Variants in SEZ6 observed in about 807,000 individuals in gnomAD.
SEZ6 encodes seizure related 6 homolog.
In SEZ6, 53 loss-of-function variants were observed where a neutral mutation model predicts 101.0. The observed-to-expected ratio is 0.52, with a 90% CI of 0.42 to 0.66. SEZ6 has a LOEUF of 0.66. Among genes scored for constraint, SEZ6 ranks in the 30% least tolerant of loss-of-function variants. The pLI is 0.00. For missense variants in SEZ6, 1,102 were observed against 1,289.4 expected (o/e 0.85, Z 2.23); for synonymous variants, 488 against 512.2 (o/e 0.95, Z 0.64).
rs1309637768 is a variant in SEZ6, at chr17:29,005,903, C to G, written c.-34G>C. The G allele has an allele frequency of 1.4e-6, 2 of 1,406,876 alleles. No individual in the cohort carries two copies. The highest frequency in any genetic ancestry group is 1.4e-5 in the South Asian group (1 of 71,916). 87.1% of individuals were successfully genotyped at this position (1,406,876 alleles called of 1,614,324 possible). On this transcript the variant is annotated 5_prime_UTR_variant, in exon 1 of 17. Transcript: ENST00000317338. This position sits in a 1 kb window ranked among gnomAD's most constrained non-coding sequence, Gnocchi z 4.8. ...TTGCGGCCGCGCCCTGGGCTGGGACCGCGGCGGGAGGGCGGGGGGCTTGGT... is the reference window on the plus strand; with the variant it reads ...TTGCGGCCGCGCCCTGGGCTGGGACGGCGGCGGGAGGGCGGGGGGCTTGGT...
intron 1 of SEZ6, among the ~76,000 whole-genome samples, chr17:29,000,469 C>T (rs1464887218): frequency 6.6e-6 from 1 of 152,152 alleles, no homozygotes; most frequent in Non-Finnish European, 1.5e-5. Context: ...GGATTCTGGG[C>T]CAGGCCTCAC....
rs536714977 is a variant in SEZ6, at chr17:28,967,965, G to A, written c.1054+1792C>T. 2.6e-4 allele frequency among the ~76,000 whole-genome samples: 39 copies of A among 152,276 alleles called. No individual in the cohort carries two copies. In the South Asian group the frequency reaches 8.1e-3, roughly 32 times the overall value. The stretch of plus-strand genomic sequence containing the variant: ...CAAGTCCAGTGCCAGGAATGCTGAG[G>A]ATGCAGGAGGGGGATGTCTGTCAGG... On this transcript the variant is annotated intron_variant, in intron 4 of 16. Transcript: ENST00000317338.
In SEZ6 at chr17:28,958,090, C is replaced by T. The variant is rs1470772385; in HGVS notation, c.2159G>A (p.Trp720Ter). The T allele has an allele frequency of 6.2e-7, 1 of 1,608,924 alleles. No homozygotes were observed. Among genetic ancestry groups the T allele is most frequent in the Non-Finnish European group, 8.5e-7 (1 of 1,175,862 alleles). Residue 720 changes from tryptophan (W) to a stop codon, truncating the protein, a stop_gained, in exon 11 of 17, where the codon TGG becomes TAG. Transcript: ENST00000317338. LOFTEE classifies it high-confidence loss of function. Reference protein sequence around the residue: ...CPELPEIPNGWKSPSQPELVH... With the variant: ...CPELPEIPNG Reference sequence around the variant, plus strand: ...TAGCTCAGGCTGCGATGGGCTCTTCCAGCCATTGGGGATCTCAGGCAGCTC... The same window carrying T: ...TAGCTCAGGCTGCGATGGGCTCTTCTAGCCATTGGGGATCTCAGGCAGCTC...
chr17:28,979,879 C>CAG, intron 2 of SEZ6, 66 bp from the exon 3 acceptor site: 4 of 1,216,738 alleles, frequency 3.3e-6, no homozygotes, highest in Non-Finnish European at 3.3e-6. Flanking sequence ...TAAGGCTGAA[C>CAG]CGTGTGTGTG....
intron 5 of SEZ6, 75 bp downstream of exon 5, chr17:28,963,887 G>A (rs2041022545): frequency 7.2e-6 from 11 of 1,519,710 alleles, no homozygotes; most frequent in Non-Finnish European, 8.0e-6. Context: ...AAGTGGCAGA[G>A]AGCAACAGAG....
chr17:28,984,597 G>A (rs1436578318), intron 1 of SEZ6, among the ~76,000 whole-genome samples: 1 of 152,258 alleles, frequency 6.6e-6, no homozygotes, highest in African/African-American at 2.4e-5. Flanking sequence ...CGATTGCACT[G>A]ATTGTGCTAT....
chr17:28,956,046 C>G, intron 16 of SEZ6, 52 bp from the exon 17 acceptor site: 1 of 1,607,652 alleles, frequency 6.2e-7, no homozygotes, highest in South Asian at 1.1e-5. Context: ...AATTCACCTT[C>G]CCTAGGAAAA....
chr17:28,981,716 C>G lies in SEZ6; in HGVS notation c.379G>C (p.Ala127Pro). 6.3e-7 allele frequency: 1 copy of G among 1,596,676 alleles called. No individual in the cohort carries two copies. The highest frequency in any genetic ancestry group is 8.6e-7 in the Non-Finnish European group (1 of 1,167,954). The change falls in exon 2 of 17, where the codon GCT (alanine) becomes CCT (proline). Residue 127 changes from alanine to proline, a missense_variant. By Grantham distance (27) the Ala-to-Pro change is conservative. This residue lies in a region of SEZ6 where 406 missense variants were observed against 418.6 expected (regional missense o/e 0.97). Coordinates refer to ENST00000317338, the MANE Select transcript of SEZ6 (RefSeq NM_178860.5). ...PVFTSPTPAMAAVPTQPQSKE... is the reference protein window; with the variant it reads ...PVFTSPTPAMPAVPTQPQSKE... ...GACTGGGGCTGAGTGGGTACCGCAG[C>G]CATGGCTGGAGTGGGGCTGGTAAAG...
chr17:28,958,260 G>C, intron 10 of SEZ6, 119 bp from the exon 11 acceptor site: 1 of 1,198,476 alleles, frequency 8.3e-7, no homozygotes, highest in Non-Finnish European at 1.1e-6. Flanking sequence ...GTCCTGGGCG[G>C]GCTCAGGGAT....
Position 28,998,738 on chromosome 17 carries a change from G to A in SEZ6, c.55+7077C>T, listed in dbSNP as rs184926613. On this transcript the variant is annotated intron_variant, in intron 1 of 16. Transcript: ENST00000317338. ...GGGCACACCTGACCTGCCAGAGATA[G>A]GAAGGGTTGTGATGAAGGGCACCCA... is the stretch of plus-strand genomic sequence containing the variant. Among the ~76,000 whole-genome samples, 7 of 152,230 alleles carry A rather than the reference G, an allele frequency of 4.6e-5. No individual in the cohort carries two copies. In the East Asian group the frequency reaches 1.2e-3, roughly 25 times the overall value.
chr17:28,958,050 C>T lies in SEZ6; in HGVS notation c.2199G>A (p.Val733=), dbSNP rs1178385888. ...PSQPELVHGT[V]VTYQCYPGYQ... ...AGCCAGGGTAGCACTGGTAAGTGAC[C>T]ACGGTGCCGTGCACTAGCTCAGGCT... The change falls in exon 11 of 17, where the codon GTG becomes GTA. Residue 733 remains valine (V), a synonymous_variant. Coordinates refer to ENST00000317338, the MANE Select transcript of SEZ6 (RefSeq NM_178860.5). 1.9e-6 allele frequency: 3 copies of T among 1,613,816 alleles called. No homozygotes were observed. The highest frequency in any genetic ancestry group is 1.1e-5 in the South Asian group (1 of 91,080).
At position 28,958,107 on chromosome 17, in the gene SEZ6, A is replaced by G. The variant is rs1320469036; in HGVS notation, c.2142T>C (p.Pro714=). 6.2e-7 allele frequency: 1 copy of G among 1,605,730 alleles called. No homozygotes were observed. Among genetic ancestry groups the G allele is most frequent in the Non-Finnish European group, 8.5e-7 (1 of 1,173,088 alleles). ...GGCTCTTCCAGCCATTGGGGATCTCAGGCAGCTCCGGACATGTGTCATTGC... is the reference window on the plus strand; with the variant it reads ...GGCTCTTCCAGCCATTGGGGATCTCGGGCAGCTCCGGACATGTGTCATTGC... ...VPRNDTCPEL[P]EIPNGWKSPS... Residue 714 remains proline (P), a synonymous_variant, in exon 11 of 17, where the codon CCT becomes CCC. Transcript: ENST00000317338.
intron 4 of SEZ6, among the ~76,000 whole-genome samples, chr17:28,965,144 G>GA (rs1329145470): frequency 6.6e-6 from 1 of 152,036 alleles, no homozygotes; most frequent in African/African-American, 2.4e-5. Context: ...CTGAGGTCAG[G>GA]AGGTCGAGAC....
Position 28,971,643 on chromosome 17 carries a change from C to G in SEZ6, c.859-1691G>C, listed in dbSNP as rs555286225. Among the ~76,000 whole-genome samples the G allele has an allele frequency of 6.9e-4, 105 of 152,130 alleles. 3 individuals carry two copies. In the South Asian group the frequency reaches 0.021, roughly 30 times the overall value. On this transcript the variant is annotated intron_variant, in intron 3 of 16. Transcript: ENST00000317338. The stretch of plus-strand genomic sequence containing the variant: ...AGAATCTCAGACCCACTAAAGCATA[C>G]TCTGCATTTTAACAAGATCCTCGGG...
intron 1 of SEZ6, among the ~76,000 whole-genome samples, chr17:28,983,986 G>C (rs576572757): frequency 6.6e-6 from 1 of 152,266 alleles, no homozygotes; most frequent in African/African-American, 2.4e-5. Flanking sequence ...GTGGGTACAG[G>C]TTGGAGGGCT....
intron 1 of SEZ6, among the ~76,000 whole-genome samples, chr17:28,997,226 C>T (rs574802111): frequency 6.6e-6 from 1 of 152,160 alleles, no homozygotes; most frequent in Non-Finnish European, 1.5e-5. Flanking sequence ...CTCGTGCATG[C>T]GTTGTTTGAT....
chr17:28,967,577 G>A (rs894189574), intron 4 of SEZ6, among the ~76,000 whole-genome samples: 6 of 152,178 alleles, frequency 3.9e-5, no homozygotes, highest in Non-Finnish European at 7.4e-5. Flanking sequence ...GGAGAAAGGG[G>A]TGTGGGGCAC....
chr17:28,955,712 T>C lies in SEZ6; in HGVS notation c.*250A>G, dbSNP rs965959942. ...TGATGCTTGTGCTCCAGCTATGTTC[T>C]TCCCACAGGTAGATGCCCCCTGACA... On this transcript the variant is annotated 3_prime_UTR_variant, in exon 17 of 17. Transcript: ENST00000317338. The C allele has an allele frequency of 2.7e-5, 18 of 676,300 alleles. No individual in the cohort carries two copies. Among genetic ancestry groups the C allele is most frequent in the Admixed American group, 1.4e-4 (7 of 49,050 alleles). The allele number at this position is 676,300 out of a possible 1,614,324, so 41.9% of individuals were successfully genotyped here.
intron 3 of SEZ6, among the ~76,000 whole-genome samples, chr17:28,973,894 G>A (rs938968066): frequency 2.0e-5 from 3 of 152,206 alleles, no homozygotes; most frequent in African/African-American, 7.2e-5. Context: ...AGCAGAGGGA[G>A]CTGAGGACAA....
Sources: allele counts gnomAD v4.1 joint callset (sites outside exome capture counted in the v4.1 genomes callset), GRCh38; gene constraint gnomAD v4.1.1; regional missense constraint gnomAD v4.1.1; non-coding constraint Gnocchi (gnomAD v3.1); transcripts MANE v1.5; gene names NCBI Gene and HGNC (gene_info 2026-07-23, HGNC 2026-07-21).